SLC35F3: variants seen among roughly 807,000 people sequenced by gnomAD.
The protein encoded by SLC35F3 is putative thiamine transporter SLC35F3.
A neutral mutation model predicts 49.9 loss-of-function variants in SLC35F3; 25 were observed. That is an observed-to-expected ratio of 0.50 (90% CI 0.37 to 0.70). The LOEUF (loss-of-function observed/expected upper bound fraction) is 0.70, where lower values mean the gene tolerates loss of function less well. Among genes scored for constraint, SLC35F3 ranks in the 30% least tolerant of loss-of-function variants. The pLI, the probability that SLC35F3 is intolerant of heterozygous loss-of-function variation, is 0.00. For synonymous variants in SLC35F3, 275 were observed against 265.4 expected, an observed-to-expected ratio of 1.04 and a Z score of -0.35; for missense variants, 525 against 639.8, an observed-to-expected ratio of 0.82 and a Z score of 1.94.
intron 3 of SLC35F3, among the ~76,000 whole-genome samples, chr1:234,248,134 G>T (rs1667672888): frequency 6.6e-6 from 1 of 152,230 alleles, no homozygotes; most frequent in Non-Finnish European, 1.5e-5. Context: ...TGGGTCGGTT[G>T]GCTGGTCCAT....
chr1:234,280,359 G>A (rs1428270750), intron 3 of SLC35F3, among the ~76,000 whole-genome samples: 1 of 152,208 alleles, frequency 6.6e-6, no homozygotes, highest in Non-Finnish European at 1.5e-5. Flanking sequence ...CAGAGAAGGG[G>A]CTATAATTAG....
At position 234,286,711 on chromosome 1, in the gene SLC35F3, G is replaced by A. The variant is rs150438283; in HGVS notation, c.609-22390G>A. On this transcript the variant is annotated intron_variant, in intron 3 of 7. Transcript: ENST00000366618. ...TTGATTGTCTCTCTAAACAGAAAAC[G>A]TATTAGATGGGTTTTAAGAAGTAGA... Among the ~76,000 whole-genome samples the A allele has an allele frequency of 3.3e-5, 5 of 151,896 alleles. No individual in the cohort carries two copies. In the East Asian group the frequency reaches 7.7e-4, roughly 23 times the overall value.
At position 233,926,032 on chromosome 1, in the gene SLC35F3, G is replaced by A. The variant is rs1662152452; in HGVS notation, c.283+20274G>A. ...TAGTCTGATAGGCTTCCCTTTGTGG[G>A]TAACCCAACCTTTCTCTCTGGCTGC... On this transcript the variant is annotated intron_variant, in intron 2 of 7. Transcript: ENST00000366618. Among the ~76,000 whole-genome samples, 3 of 152,288 alleles carry A rather than the reference G, an allele frequency of 2.0e-5. No homozygotes were observed. In the East Asian group the frequency reaches 5.8e-4, roughly 29 times the overall value.
At chr1:234,229,994 G>A (rs1222501843) in intron 2 of SLC35F3, among the ~76,000 whole-genome samples, 1 of 152,218 alleles carries the variant, frequency 6.6e-6, no homozygotes, top group Non-Finnish European at 1.5e-5. Context: ...CGGCTTGTCA[G>A]AAGCTCAGAG....
At chr1:234,271,173 TG>T (rs1397548058) in intron 3 of SLC35F3, among the ~76,000 whole-genome samples, 4 of 152,356 alleles carry the variant, frequency 2.6e-5, no homozygotes, top group Admixed American at 2.6e-4. Flanking sequence ...AATTTAAAGA[TG>T]TGTGGGAAAT....
chr1:234,067,011 A>G (rs922696203), intron 2 of SLC35F3, among the ~76,000 whole-genome samples: 2 of 152,234 alleles, frequency 1.3e-5, no homozygotes, highest in Middle Eastern at 3.2e-3. Flanking sequence ...ATTTTTACAA[A>G]TAACTCTTAT....
chr1:234,178,570 C>T (rs912562701), intron 2 of SLC35F3, among the ~76,000 whole-genome samples: 1 of 152,188 alleles, frequency 6.6e-6, no homozygotes, highest in African/African-American at 2.4e-5. Context: ...GCCACACTGT[C>T]AGCATCCCCC....
intron 2 of SLC35F3, among the ~76,000 whole-genome samples, chr1:234,051,481 A>G (rs1184922516): frequency 6.6e-6 from 1 of 152,184 alleles, no homozygotes; most frequent in Admixed American, 6.5e-5. Flanking sequence ...ATTTTTGCAC[A>G]TTGATTTTAT....
intron 2 of SLC35F3, among the ~76,000 whole-genome samples, chr1:234,026,616 C>T (rs140059997): frequency 1.3e-5 from 2 of 152,188 alleles, no homozygotes; most frequent in East Asian, 1.9e-4. Flanking sequence ...GGTGTGGTGG[C>T]TTACACCTAT....
At chr1:234,069,146 A>G (rs9435556) in intron 2 of SLC35F3, among the ~76,000 whole-genome samples, 85,735 of 129,312 alleles carry the variant, frequency 0.66, 29,118 homozygotes, top group African/African-American at 0.74. Flanking sequence ...AATATATAAT[A>G]TATTTATAGA....
In SLC35F3 at chr1:234,074,051, A is replaced by G. The variant is rs189508750; in HGVS notation, c.284-157366A>G. On this transcript the variant is annotated intron_variant, in intron 2 of 7. Transcript: ENST00000366618. Reference sequence around the variant, plus strand: ...CCATCTATTCTTCTACTGTTTTTCTATTAATGTGCTTGGTGCTACATTTTA... The same window carrying G: ...CCATCTATTCTTCTACTGTTTTTCTGTTAATGTGCTTGGTGCTACATTTTA... 1.2e-3 allele frequency among the ~76,000 whole-genome samples: 183 copies of G among 152,240 alleles called. No homozygotes were observed. In the South Asian group the frequency reaches 0.013, roughly 11 times the overall value.
intron 3 of SLC35F3, among the ~76,000 whole-genome samples, chr1:234,269,816 C>T (rs1308074093): frequency 6.6e-6 from 1 of 152,106 alleles, no homozygotes; most frequent in Non-Finnish European, 1.5e-5. Flanking sequence ...TAAAAAATGG[C>T]TGGCACCCCA....
chr1:234,033,741 T>C (rs970811364), intron 2 of SLC35F3, among the ~76,000 whole-genome samples: 4 of 152,220 alleles, frequency 2.6e-5, no homozygotes, highest in African/African-American at 4.8e-5. Context: ...AGTATCATGC[T>C]GTTTCAGTGA....
chr1:234,320,046 A>G lies in SLC35F3; in HGVS notation c.1148-52A>G. ...GGGTCAGATAGGCCAGCAGGGAGGT[A>G]AAGTACACAGCAGTCATGAATAACA... On this transcript the variant is annotated intron_variant, in intron 6 of 7. Coordinates refer to ENST00000366618, the MANE Select transcript of SLC35F3 (RefSeq NM_173508.4). This position sits in a 1 kb window ranked among gnomAD's most constrained non-coding sequence, Gnocchi z 4.8. 7.6e-7 allele frequency: 1 copy of G among 1,308,040 alleles called. No individual in the cohort carries two copies. Among genetic ancestry groups the G allele is most frequent in the South Asian group, 1.2e-5 (1 of 84,732 alleles). The allele number at this position is 1,308,040 out of a possible 1,614,324, so 81.0% of individuals were successfully genotyped here.
chr1:233,937,198 G>T (rs1051979102), intron 2 of SLC35F3, among the ~76,000 whole-genome samples: 5 of 152,192 alleles, frequency 3.3e-5, no homozygotes, highest in Non-Finnish European at 7.4e-5. Context: ...AAAGACAGAA[G>T]AAAAGCCTCA....
intron 2 of SLC35F3, among the ~76,000 whole-genome samples, chr1:233,925,106 T>G (rs1662134616): frequency 6.6e-6 from 1 of 152,192 alleles, no homozygotes; most frequent in African/African-American, 2.4e-5. Context: ...GAATGTATAT[T>G]CTGTTGATTT....
chr1:234,208,354 A>C (rs1384168657), intron 2 of SLC35F3, among the ~76,000 whole-genome samples: 1 of 152,224 alleles, frequency 6.6e-6, no homozygotes, highest in Non-Finnish European at 1.5e-5. Flanking sequence ...CATGTGAACC[A>C]GTCCAAGTAG....
chr1:233,945,952 A>G (rs1455699753), intron 2 of SLC35F3, among the ~76,000 whole-genome samples: 2 of 152,240 alleles, frequency 1.3e-5, no homozygotes, highest in East Asian at 3.8e-4. Context: ...GCCAAAAGCT[A>G]CCACTTTGGG....
intron 3 of SLC35F3, among the ~76,000 whole-genome samples, chr1:234,248,905 C>G (rs1667690917): frequency 6.6e-6 from 1 of 152,216 alleles, no homozygotes; most frequent in Non-Finnish European, 1.5e-5. Flanking sequence ...ACCTGTGCAG[C>G]CACCAGGGAA....
Sources: allele counts gnomAD v4.1 joint callset (sites outside exome capture counted in the v4.1 genomes callset), GRCh38; gene constraint gnomAD v4.1.1; non-coding constraint Gnocchi (gnomAD v3.1); transcripts MANE v1.5; gene names NCBI Gene and HGNC (gene_info 2026-07-23, HGNC 2026-07-21).